ZNF804B: variants seen among roughly 807,000 people sequenced by gnomAD.
ZNF804B encodes the protein zinc finger 804B.
In ZNF804B, 80 loss-of-function variants were observed where a neutral mutation model predicts 101.4. That is an observed-to-expected ratio of 0.79 (90% confidence interval 0.66 to 0.95). The LOEUF is 0.95. Among genes scored for constraint, ZNF804B ranks in the 40% least tolerant of loss-of-function variants. ZNF804B has a pLI of 0.00. For synonymous variants in ZNF804B, 622 were observed against 558.8 expected (o/e 1.11, Z -1.59); for missense variants, 1,673 against 1,561.9 (o/e 1.07, Z -1.20).
intron 1 of ZNF804B, among the ~76,000 whole-genome samples, chr7:88,979,571 A>G (rs893247603): frequency 7.2e-6 from 1 of 138,572 alleles, no homozygotes; most frequent in East Asian, 2.2e-4. Context: ...TTTTTATGTT[A>G]TTTGCTTTTT....
At chr7:89,119,372 T>C (rs1008010332) in intron 1 of ZNF804B, among the ~76,000 whole-genome samples, 1 of 152,194 alleles carries the variant, frequency 6.6e-6, no homozygotes, top group African/African-American at 2.4e-5. Flanking sequence ...ACCTTCAAGA[T>C]AAAAATGTTA....
At chr7:88,899,921 TTC>T (rs1792363047) in intron 1 of ZNF804B, among the ~76,000 whole-genome samples, 1 of 152,166 alleles carries the variant, frequency 6.6e-6, no homozygotes, top group Non-Finnish European at 1.5e-5. Flanking sequence ...ACATATGGAT[TTC>T]ATATGTAGGT....
intron 1 of ZNF804B, among the ~76,000 whole-genome samples, chr7:89,070,947 G>T (rs1488899039): frequency 6.6e-6 from 1 of 151,996 alleles, no homozygotes; most frequent in African/African-American, 2.4e-5. Flanking sequence ...AGGAGTGGGG[G>T]ATTGATTCCA....
rs1404241442 is a variant in ZNF804B at position 89,137,391 on chromosome 7, A to G, written c.109-80764A>G. Among the ~76,000 whole-genome samples the G allele has an allele frequency of 2.0e-5, 3 of 152,260 alleles. No individual in the cohort carries two copies. In the East Asian group the frequency reaches 5.8e-4, roughly 30 times the overall value. ...GGCTTTGGCGAAAATTCTAATAGTT[A>G]TATGAACAATAAGGTCCAGGCTGAG... On this transcript the variant is annotated intron_variant, in intron 1 of 3. Transcript: ENST00000333190.
chr7:88,794,523 C>T (rs1197985791), intron 1 of ZNF804B: 2 of 1,613,750 alleles, frequency 1.2e-6, no homozygotes, highest in African/African-American at 2.7e-5. Flanking sequence ...TAAAAAGCCT[C>T]ATTGGAATGT....
intron 2 of ZNF804B, among the ~76,000 whole-genome samples, chr7:89,259,612 C>T (rs1354784627): frequency 6.6e-6 from 1 of 152,086 alleles, no homozygotes; most frequent in Non-Finnish European, 1.5e-5. Context: ...TCCTAATGAC[C>T]CCCTGATTTA....
intron 1 of ZNF804B, among the ~76,000 whole-genome samples, chr7:89,068,936 G>A (rs1001244673): frequency 6.6e-6 from 1 of 152,162 alleles, no homozygotes; most frequent in African/African-American, 2.4e-5. Flanking sequence ...TGTGCCCTAG[G>A]GGAAGGGGCC....
At chr7:89,037,205 A>G (rs563067852) in intron 1 of ZNF804B, among the ~76,000 whole-genome samples, 2 of 152,290 alleles carry the variant, frequency 1.3e-5, no homozygotes, top group East Asian at 3.9e-4. Context: ...TTGACCTGCC[A>G]GAATGAGTTG....
At chr7:89,120,266 C>T (rs1245402054) in intron 1 of ZNF804B, among the ~76,000 whole-genome samples, 2 of 151,850 alleles carry the variant, frequency 1.3e-5, no homozygotes, top group Non-Finnish European at 2.9e-5. Context: ...CCAGCCTGGG[C>T]AACCGAGCAA....
At chr7:89,124,373 T>C (rs1790448568) in intron 1 of ZNF804B, among the ~76,000 whole-genome samples, 1 of 152,098 alleles carries the variant, frequency 6.6e-6, no homozygotes, top group African/African-American at 2.4e-5. Flanking sequence ...GAGAAAAGTT[T>C]GGGAAAAAGC....
intron 1 of ZNF804B, among the ~76,000 whole-genome samples, chr7:89,092,110 CAT>C (rs1789898207): frequency 6.6e-6 from 1 of 151,838 alleles, no homozygotes; most frequent in Non-Finnish European, 1.5e-5. Flanking sequence ...GGGGCCAAAA[CAT>C]GTGGTGTCTG....
At chr7:89,255,621 G>T (rs537078121) in intron 2 of ZNF804B, among the ~76,000 whole-genome samples, 4 of 152,230 alleles carry the variant, frequency 2.6e-5, no homozygotes, top group East Asian at 3.9e-4. Context: ...ATATCATGTA[G>T]ATTAAAGACT....
chr7:89,002,230 A>G (rs1394807294), intron 1 of ZNF804B, among the ~76,000 whole-genome samples: 1 of 151,824 alleles, frequency 6.6e-6, no homozygotes, highest in Non-Finnish European at 1.5e-5. Flanking sequence ...ATTTGTGAGT[A>G]CAATTTATAG....
intron 1 of ZNF804B, among the ~76,000 whole-genome samples, chr7:89,101,096 A>G (rs1004426477): frequency 2.0e-5 from 3 of 152,066 alleles, no homozygotes; most frequent in Non-Finnish European, 4.4e-5. Context: ...TCAAAAAGCA[A>G]TGCAATTTCA....
chr7:89,091,433 T>A (rs548578330), intron 1 of ZNF804B, among the ~76,000 whole-genome samples: 1 of 152,186 alleles, frequency 6.6e-6, no homozygotes, highest in South Asian at 2.1e-4. Flanking sequence ...ATTTCTTGGG[T>A]TGAGTATTTT....
At chr7:89,230,339 G>A (rs2115736730) in intron 2 of ZNF804B, among the ~76,000 whole-genome samples, 1 of 151,498 alleles carries the variant, frequency 6.6e-6, no homozygotes, top group East Asian at 1.9e-4. Context: ...GAGCGAGTTA[G>A]GATAATAAAG....
intron 3 of ZNF804B, among the ~76,000 whole-genome samples, chr7:89,331,850 A>G (rs1790988684): frequency 6.6e-6 from 1 of 151,562 alleles, no homozygotes; most frequent in African/African-American, 2.4e-5. Flanking sequence ...ATTTTAAAAC[A>G]TAAATTCCAA....
At chr7:88,773,743 A>G (rs2115638857) in intron 1 of ZNF804B, among the ~76,000 whole-genome samples, 1 of 152,162 alleles carries the variant, frequency 6.6e-6, no homozygotes, top group South Asian at 2.1e-4. Flanking sequence ...GAAGCTTACA[A>G]TCATGGTGGA....
chr7:88,821,300 G>A (rs3915193), intron 1 of ZNF804B, among the ~76,000 whole-genome samples: 75,534 of 151,892 alleles, frequency 0.5, 20,591 homozygotes, highest in East Asian at 0.81. Context: ...AGTACAGTTT[G>A]TATTTACTTA....
Sources: allele counts gnomAD v4.1 joint callset (sites outside exome capture counted in the v4.1 genomes callset), GRCh38; gene constraint gnomAD v4.1.1; transcripts MANE v1.5; gene names NCBI Gene and HGNC (gene_info 2026-07-23, HGNC 2026-07-21).